The following FGF14 variants were observed in gnomAD, a reference collection of about 807,000 sequenced individuals.
FGF14 encodes the protein fibroblast growth factor 14, also known as fibroblast growth factor homologous factor 4.
FGF14 carries 5 observed loss-of-function variants against 25.5 expected under a neutral mutation model. The ratio of observed to expected loss-of-function variants is 0.20; its 90% CI spans 0.10 to 0.41. The LOEUF (loss-of-function observed/expected upper bound fraction) is 0.41. FGF14 is among the 10% of genes least tolerant of loss of function. The pLI, the probability that FGF14 is intolerant of heterozygous loss-of-function variation, is 1.00. For missense variants in FGF14, 222 were observed against 320.1 expected (o/e 0.69, Z 2.34); for synonymous variants, 138 against 118.3 (o/e 1.17, Z -1.08).
At chr13:101,822,519 T>C (rs1201356334) in intron 3 of FGF14, among the ~76,000 whole-genome samples, 3 of 151,840 alleles carry the variant, frequency 2.0e-5, no homozygotes, top group Non-Finnish European at 4.4e-5. Flanking sequence ...CCTGCTGGGA[T>C]TCTGACATGG....
chr13:101,857,162 T>C (rs1239521931), intron 3 of FGF14, among the ~76,000 whole-genome samples: 5 of 152,048 alleles, frequency 3.3e-5, no homozygotes, highest in Admixed American at 3.3e-4. Context: ...GTCAGCTTAA[T>C]AGTAAAGTAG....
chr13:102,081,180 T>C (rs1472099617), intron 1 of FGF14, among the ~76,000 whole-genome samples: 3 of 152,256 alleles, frequency 2.0e-5, no homozygotes, highest in African/African-American at 7.2e-5. Context: ...TCTATTTGGC[T>C]AAAGTGAAAT....
chr13:101,768,809 C>T (rs779261357), intron 3 of FGF14, among the ~76,000 whole-genome samples: 3 of 152,128 alleles, frequency 2.0e-5, no homozygotes, highest in Admixed American at 6.6e-5. Context: ...TCCTTCATAA[C>T]ATTAACTTAA....
chr13:102,377,765 G>A (rs2058075040), intron 1 of FGF14, among the ~76,000 whole-genome samples: 1 of 152,188 alleles, frequency 6.6e-6, no homozygotes, highest in East Asian at 1.9e-4. Context: ...CTGAAATCGT[G>A]CCATTGCATT....
At chr13:102,385,750 G>A (rs1186962391) in intron 1 of FGF14, among the ~76,000 whole-genome samples, 1 of 151,986 alleles carries the variant, frequency 6.6e-6, no homozygotes, top group East Asian at 1.9e-4. Flanking sequence ...CAACAGATGG[G>A]GTAAGTGCAC....
intron 1 of FGF14, among the ~76,000 whole-genome samples, chr13:102,025,472 G>A (rs1360586214): frequency 6.6e-6 from 1 of 151,958 alleles, no homozygotes; most frequent in Non-Finnish European, 1.5e-5. Context: ...GCAGTGGCAT[G>A]ATCTTGGTTC....
In FGF14 at chr13:101,715,427, ACAT is replaced by A; in HGVS notation, c.*7401_*7403del. On this transcript the variant is annotated 3_prime_UTR_variant, in exon 5 of 5. Transcript: ENST00000376143. ...AGCTGCTTAATAAGATGTAATAATA[ACAT>A]CATTGCACAATAAGAAAATCTACCA... 1 of 695,426 alleles carries A rather than the reference ACAT, an allele frequency of 1.4e-6. No individual in the cohort carries two copies. Among genetic ancestry groups the A allele is most frequent in the South Asian group, 1.7e-5 (1 of 57,220 alleles). The allele number at this position is 695,426 out of a possible 1,614,324, so 43.1% of individuals were successfully genotyped here.
chr13:102,209,865 G>C (rs2050089724), intron 1 of FGF14, among the ~76,000 whole-genome samples: 1 of 152,106 alleles, frequency 6.6e-6, no homozygotes, highest in African/African-American at 2.4e-5. Context: ...ACTGGGAAGA[G>C]AGGAAAGACA....
intron 1 of FGF14, among the ~76,000 whole-genome samples, chr13:102,377,335 A>G (rs934674328): frequency 6.6e-6 from 1 of 152,184 alleles, no homozygotes; most frequent in Non-Finnish European, 1.5e-5. Flanking sequence ...CATAAAATTC[A>G]CCTCAAAGTT....
chr13:102,067,294 A>C (rs1355268936), intron 1 of FGF14, among the ~76,000 whole-genome samples: 1 of 152,180 alleles, frequency 6.6e-6, no homozygotes, highest in Non-Finnish European at 1.5e-5. Context: ...AGCTACAGTG[A>C]CCACTCAGCT....
intron 1 of FGF14, among the ~76,000 whole-genome samples, chr13:102,207,844 C>T (rs2050000217): frequency 6.6e-6 from 1 of 152,018 alleles, no homozygotes; most frequent in Non-Finnish European, 1.5e-5. Context: ...GCACAGTGAA[C>T]CAGTGATTTT....
intron 1 of FGF14, among the ~76,000 whole-genome samples, chr13:102,273,759 C>T (rs1423925083): frequency 1.3e-5 from 2 of 151,794 alleles, no homozygotes; most frequent in Non-Finnish European, 2.9e-5. Flanking sequence ...AGCCTGGCAA[C>T]ATAGTGAGAC....
chr13:101,715,689 T>G lies in FGF14; in HGVS notation c.*7142A>C. ...GAGAGAGGTCTGGATTCTTATTTTTTCTGGGCCATTAGAACAGATAAATGC... is the reference window on the plus strand; with the variant it reads ...GAGAGAGGTCTGGATTCTTATTTTTGCTGGGCCATTAGAACAGATAAATGC... On this transcript the variant is annotated 3_prime_UTR_variant, in exon 5 of 5. Coordinates refer to ENST00000376143, the MANE Select transcript of FGF14 (RefSeq NM_004115.4). 7.1e-7 allele frequency: 1 copy of G among 1,412,304 alleles called. No homozygotes were observed. Among genetic ancestry groups the G allele is most frequent in the Non-Finnish European group, 1.0e-6 (1 of 995,970 alleles). 87.5% of individuals were successfully genotyped at this position (1,412,304 alleles called of 1,614,324 possible). A position where few individuals can be genotyped will look rare whatever the true frequency, so the allele number is the denominator to read the frequency against.
At chr13:102,296,812 T>G (rs2054736692) in intron 1 of FGF14, among the ~76,000 whole-genome samples, 1 of 152,154 alleles carries the variant, frequency 6.6e-6, no homozygotes, top group Admixed American at 6.5e-5. Context: ...TTAAGTGCAC[T>G]CCTTTCAGCT....
chr13:102,117,657 C>T (rs956143297), intron 1 of FGF14, among the ~76,000 whole-genome samples: 1 of 152,166 alleles, frequency 6.6e-6, no homozygotes, highest in Non-Finnish European at 1.5e-5. Flanking sequence ...CACCCATCCA[C>T]TATGCAGCCA....
chr13:102,057,746 TGAATA>T, intron 1 of FGF14, among the ~76,000 whole-genome samples: 1 of 152,312 alleles, frequency 6.6e-6, no homozygotes, highest in Admixed American at 6.5e-5. Context: ...AAATATTTCT[TGAATA>T]AAGGAATAGA....
chr13:101,850,512 ATAGAAT>A (rs2043766001), intron 3 of FGF14, among the ~76,000 whole-genome samples: 6 of 2,788 alleles, frequency 2.2e-3, no homozygotes, highest in Admixed American at 0.011. Flanking sequence ...ATATATATAT[ATAGAAT>A]TATATATTCT....
intron 1 of FGF14, among the ~76,000 whole-genome samples, chr13:102,348,106 T>G (rs535466007): frequency 6.6e-6 from 1 of 152,220 alleles, no homozygotes; most frequent in Non-Finnish European, 1.5e-5. Flanking sequence ...TGTAAAATTA[T>G]TCATTTATGC....
At chr13:101,930,011 T>C (rs550949400) in intron 1 of FGF14, among the ~76,000 whole-genome samples, 2 of 152,262 alleles carry the variant, frequency 1.3e-5, no homozygotes, top group South Asian at 4.1e-4. Context: ...ATCCACTAGC[T>C]GATTAGAGGG....
Sources: gnomAD v4.1 joint callset for allele counts (sites outside exome capture counted in the v4.1 genomes callset) on GRCh38, gnomAD v4.1.1 for gene constraint, MANE v1.5 for transcripts, NCBI Gene and HGNC (gene_info 2026-07-23, HGNC 2026-07-21) for gene names.